Variants in PES1 observed in about 807,000 individuals in gnomAD.
PES1 encodes pescadillo ribosomal biogenesis factor 1, also known as pescadillo homolog.
In PES1, 31 loss-of-function variants were observed where a neutral mutation model predicts 77.1. The ratio of observed to expected loss-of-function variants is 0.40; its 90% confidence interval spans 0.30 to 0.54. The LOEUF (loss-of-function observed/expected upper bound fraction) is 0.54. PES1 is among the 20% of genes least tolerant of loss of function. PES1 has a pLI of 0.45. For synonymous variants in PES1, 282 were observed against 303.0 expected (o/e 0.93, Z 0.72); for missense variants, 658 against 771.7 (o/e 0.85, Z 1.75).
upstream of PES1, chr22:30,592,200 ACAGCGCGGTGCCTTCTGGGATG>A (rs1459654495): frequency 9.5e-7 from 1 of 1,058,002 alleles, no homozygotes; most frequent in Non-Finnish European, 1.1e-6. Flanking sequence ...AGGCTTAGGG[ACAGCGCGGTGCCTTCTGGGATG>A]CAGAGGGGCG....
Position 30,576,827 on chromosome 22 carries a change from A to C in PES1, c.*219T>G. The C allele has an allele frequency of 3.5e-6, 2 of 575,296 alleles. No individual in the cohort carries two copies. Among genetic ancestry groups the C allele is most frequent in the Non-Finnish European group, 6.2e-6 (2 of 322,056 alleles). The allele number at this position is 575,296 out of a possible 1,614,324, so 35.6% of individuals were successfully genotyped here. ...CTGGGAGCAGAGAATCAGGCTGGGC[A>C]CAGAGGCCTCTTCTCTGACCAGGCA... is the stretch of plus-strand genomic sequence containing the variant. On this transcript the variant is annotated 3_prime_UTR_variant, in exon 15 of 15. Coordinates refer to ENST00000354694, the MANE Select transcript of PES1 (RefSeq NM_014303.4).
At chr22:30,601,131 C>T (rs749230853) in intron 2 of PES1, among the ~76,000 whole-genome samples, 1 of 152,136 alleles carries the variant, frequency 6.6e-6, no homozygotes, top group Non-Finnish European at 1.5e-5. Flanking sequence ...CATTCTGCTA[C>T]TGACAAGGAT....
At chr22:30,586,120 G>C (rs1005229765) in intron 4 of PES1, among the ~76,000 whole-genome samples, 2 of 152,214 alleles carry the variant, frequency 1.3e-5, no homozygotes, top group Non-Finnish European at 2.9e-5. Flanking sequence ...TGTAGTATGA[G>C]ATCACCACAA....
rs780559156 is a variant in PES1 at position 30,580,680 on chromosome 22, C to T, written c.934G>A (p.Asp312Asn). 16 of 1,613,320 alleles carry T rather than the reference C, an allele frequency of 9.9e-6. No individual in the cohort carries two copies. In the Admixed American group the frequency reaches 2.3e-4, roughly 24 times the overall value. The change falls in exon 10 of 15, where the codon GAC (aspartate) becomes AAC (asparagine). Residue 312 changes from aspartate to asparagine, a missense_variant. Physicochemically the swap from Asp to Asn is conservative, Grantham distance 23. Coordinates refer to ENST00000354694, the MANE Select transcript of PES1 (RefSeq NM_014303.4). ...TGCGCCTCCAGCTCCTTCCTGCGGT[C>T]TTCCTCCTGCGCTGACATCTCCTGT... ...TDGEMSAQEE[D>N]RRKELEAQEK... is the part of the protein sequence containing the mutation.
intron 6 of PES1, 33 bp downstream of exon 6, chr22:30,584,332 A>T: frequency 6.6e-7 from 1 of 1,514,534 alleles, no homozygotes; most frequent in Non-Finnish European, 9.1e-7. Context: ...AGGAGGCAGC[A>T]CAAGCCCGTC....
In PES1 at chr22:30,578,954, C is replaced by T; in HGVS notation, c.1566G>A (p.Gln522=). The part of the protein sequence containing the change: ...MAGTLKLEDK[Q]RLAQEEESEA... The stretch of plus-strand genomic sequence containing the variant: ...CACTCTCCTCCTCCTGGGCCAGCCG[C>T]TGCTTATCCTCCAGCTTCAAGGTGC... Residue 522 remains glutamine (Q), a synonymous_variant, in exon 14 of 15, where the codon CAG becomes CAA. Transcript: ENST00000354694. 1.2e-6 allele frequency: 2 copies of T among 1,613,220 alleles called. No individual in the cohort carries two copies. Among genetic ancestry groups the T allele is most frequent in the Non-Finnish European group, 8.5e-7 (1 of 1,180,010 alleles).
intron 1 of PES1, among the ~76,000 whole-genome samples, chr22:30,590,228 C>A (rs752096082): frequency 1.3e-5 from 2 of 152,164 alleles, no homozygotes; most frequent in African/African-American, 4.8e-5. Context: ...TGCCTCACAC[C>A]CACATTTCTG....
At chr22:30,588,783 C>T (rs1365187523) in intron 2 of PES1, among the ~76,000 whole-genome samples, 6 of 148,488 alleles carry the variant, frequency 4.0e-5, no homozygotes, top group Non-Finnish European at 5.9e-5. Flanking sequence ...ACTCTGTCTC[C>T]GGGGAAAAAA....
At chr22:30,580,980 G>T in intron 9 of PES1, 32 bp downstream of exon 9, 1 of 1,579,866 alleles carries the variant, frequency 6.3e-7, no homozygotes, top group Non-Finnish European at 8.7e-7. Flanking sequence ...ACCCCTCCCA[G>T]CCCTCCTGCC....
intron 2 of PES1, among the ~76,000 whole-genome samples, chr22:30,600,167 T>C (rs2087332959): frequency 1.3e-5 from 2 of 151,886 alleles, no homozygotes; most frequent in South Asian, 4.2e-4. Flanking sequence ...ACCCCATCTC[T>C]ACTAAAACAT....
At chr22:30,583,603 T>A (rs1237812350) in intron 6 of PES1, among the ~76,000 whole-genome samples, 2 of 152,192 alleles carry the variant, frequency 1.3e-5, no homozygotes, top group African/African-American at 4.8e-5. Flanking sequence ...AGTGGATCCC[T>A]GCCAACAATT....
rs2087106142 is a variant in PES1 at position 30,587,334 on chromosome 22, A to T, written c.320T>A (p.Leu107Ter). The T allele has an allele frequency of 6.2e-7, 1 of 1,613,704 alleles. No homozygotes were observed. The highest frequency in any genetic ancestry group is 1.3e-5 in the African/African-American group (1 of 74,850). Residue 107 changes from leucine (L) to a stop codon, truncating the protein, a stop_gained, in exon 4 of 15, where the codon TTA becomes TAA. Transcript: ENST00000354694. LOFTEE classifies it high-confidence loss of function. ...GKSEWNTVER[L>*]KDNKPNYKLD... Reference sequence around the variant, plus strand: ...TTTGTAGTTGGGCTTATTGTCCTTTAAACGCTCTACAGTGTTCCACTCGCT... The same window carrying T: ...TTTGTAGTTGGGCTTATTGTCCTTTTAACGCTCTACAGTGTTCCACTCGCT...
In PES1 at chr22:30,576,977, C is replaced by T. The variant is rs2086908822; in HGVS notation, c.*69G>A. On this transcript the variant is annotated 3_prime_UTR_variant, in exon 15 of 15. Coordinates refer to ENST00000354694, the MANE Select transcript of PES1 (RefSeq NM_014303.4). The stretch of plus-strand genomic sequence containing the variant: ...TGACTCTGGTCCATCACACTTAGGT[C>T]CTCTGGCCTGCCTCTGCCACATCCA... 3 of 1,287,466 alleles carry T rather than the reference C, an allele frequency of 2.3e-6. No homozygotes were observed. The highest frequency in any genetic ancestry group is 3.4e-6 in the Non-Finnish European group (3 of 883,744). 79.8% of individuals were successfully genotyped at this position (1,287,466 alleles called of 1,614,324 possible).
chr22:30,592,910 T>C (rs1315866293), upstream of PES1, among the ~76,000 whole-genome samples: 3 of 152,170 alleles, frequency 2.0e-5, no homozygotes, highest in Admixed American at 2.0e-4. Flanking sequence ...TTTATACAAA[T>C]AGTCACATCA....
chr22:30,576,834 C>T lies in PES1; in HGVS notation c.*212G>A. 2 of 585,004 alleles carry T rather than the reference C, an allele frequency of 3.4e-6. No individual in the cohort carries two copies. Among genetic ancestry groups the T allele is most frequent in the Admixed American group, 3.0e-5 (1 of 32,968 alleles). The allele number at this position is 585,004 out of a possible 1,614,324, so 36.2% of individuals were successfully genotyped here. A position where few individuals can be genotyped will look rare whatever the true frequency, so the allele number is the denominator to read the frequency against. On this transcript the variant is annotated 3_prime_UTR_variant, in exon 15 of 15. Coordinates refer to ENST00000354694, the MANE Select transcript of PES1 (RefSeq NM_014303.4). ...CAGAGAATCAGGCTGGGCACAGAGGCCTCTTCTCTGACCAGGCACCAGCAG... is the reference window on the plus strand; with the variant it reads ...CAGAGAATCAGGCTGGGCACAGAGGTCTCTTCTCTGACCAGGCACCAGCAG...
At chr22:30,591,784 G>A in intron 1 of PES1, 26 bp downstream of exon 1, 9 of 1,556,424 alleles carry the variant, frequency 5.8e-6, no homozygotes, top group Non-Finnish European at 6.1e-6. Flanking sequence ...CACCCCTCGG[G>A]AATCCCCACC....
In PES1 at chr22:30,589,251, G is replaced by C. The variant is rs2087140921; in HGVS notation, c.44C>G (p.Thr15Ser). ...GGCTTTGTTCCGGGTGATGTAGTTGGTGGCCGAGCCTCGTTCATACTGGGA... is the reference window on the plus strand; with the variant it reads ...GGCTTTGTTCCGGGTGATGTAGTTGCTGGCCGAGCCTCGTTCATACTGGGA... ...EKKKYERGSA[T>S]NYITRNKARK... Residue 15 changes from threonine to serine, a missense_variant, in exon 2 of 15, where the codon ACC (threonine) becomes AGC (serine). By Grantham distance (58) the Thr-to-Ser change is moderately conservative. Transcript: ENST00000354694. The C allele has an allele frequency of 6.2e-7, 1 of 1,613,762 alleles. No homozygotes were observed. The highest frequency in any genetic ancestry group is 8.5e-7 in the Non-Finnish European group (1 of 1,179,928).
upstream of PES1, among the ~76,000 whole-genome samples, chr22:30,596,229 T>C (rs763058784): frequency 2.1e-4 from 32 of 152,324 alleles, no homozygotes; most frequent in Non-Finnish European, 3.2e-4. Context: ...TAAAACTCTT[T>C]ACAGTGTTAC....
chr22:30,584,312 A>AT, intron 6 of PES1, 53 bp downstream of exon 6: 2 of 1,346,318 alleles, frequency 1.5e-6, no homozygotes, highest in South Asian at 2.5e-5. Context: ...CTCCACATCC[A>AT]TATCTGTCTA....
Sources: allele counts gnomAD v4.1 joint callset (sites outside exome capture counted in the v4.1 genomes callset), GRCh38; gene constraint gnomAD v4.1.1; transcripts MANE v1.5; gene names NCBI Gene and HGNC (gene_info 2026-07-23, HGNC 2026-07-21).